Variants in RAD51B observed in about 807,000 individuals in gnomAD.
RAD51B encodes the protein DNA repair protein RAD51 homolog 2.
In RAD51B, 38 loss-of-function variants were observed where a neutral mutation model predicts 42.2. The ratio of observed to expected loss-of-function variants is 0.90; its 90% CI spans 0.70 to 1.18. The LOEUF (loss-of-function observed/expected upper bound fraction) is 1.18. Ranked by LOEUF, RAD51B falls within the 50% of genes most tolerant of loss-of-function variation. The pLI is 0.00. For synonymous variants in RAD51B, 154 were observed against 145.2 expected, an observed-to-expected ratio of 1.06 and a Z score of -0.43; for missense variants, 373 against 400.7, an observed-to-expected ratio of 0.93 and a Z score of 0.59.
intron 7 of RAD51B, among the ~76,000 whole-genome samples, chr14:68,016,710 C>T (rs1348711927): frequency 1.3e-5 from 2 of 152,078 alleles, no homozygotes; most frequent in Non-Finnish European, 2.9e-5. Flanking sequence ...AATTTCACTC[C>T]TAGAATCTGT....
chr14:68,582,009 A>T (rs1019197800), intron 10 of RAD51B, among the ~76,000 whole-genome samples: 2 of 152,258 alleles, frequency 1.3e-5, no homozygotes, highest in Non-Finnish European at 2.9e-5. Context: ...AAATTAACTC[A>T]AGATGGATTA....
intron 8 of RAD51B, among the ~76,000 whole-genome samples, chr14:68,371,312 A>G (rs1290893854): frequency 6.6e-6 from 1 of 151,962 alleles, no homozygotes; most frequent in Non-Finnish European, 1.5e-5. Flanking sequence ...AGGTCAAGAG[A>G]TGGAGACCAT....
At chr14:68,682,276 A>T (rs1893447882) in intron 11 of RAD51B, among the ~76,000 whole-genome samples, 1 of 152,126 alleles carries the variant, frequency 6.6e-6, no homozygotes, top group Non-Finnish European at 1.5e-5. Context: ...CGGTAAACCT[A>T]ACTAGCTAGT....
At chr14:67,870,465 A>G (rs940480016) in intron 5 of RAD51B, among the ~76,000 whole-genome samples, 11 of 141,550 alleles carry the variant, frequency 7.8e-5, no homozygotes, top group African/African-American at 3.0e-4. Flanking sequence ...AAAGAGACTT[A>G]GACTCCCACA....
chr14:68,531,886 G>C (rs1294290065), intron 10 of RAD51B, among the ~76,000 whole-genome samples: 11 of 152,142 alleles, frequency 7.2e-5, no homozygotes. Flanking sequence ...TGGAGGCTGA[G>C]GAGGGAGAAT....
chr14:67,861,441 C>G (rs896254951), intron 4 of RAD51B, among the ~76,000 whole-genome samples: 2 of 151,628 alleles, frequency 1.3e-5, no homozygotes, highest in Non-Finnish European at 2.9e-5. Context: ...GAGTTCAAGA[C>G]CAGCCTGGGC....
At chr14:68,007,193 A>T (rs984584409) in intron 7 of RAD51B, among the ~76,000 whole-genome samples, 1 of 152,052 alleles carries the variant, frequency 6.6e-6, no homozygotes, top group Non-Finnish European at 1.5e-5. Flanking sequence ...ATATTACAAC[A>T]TGTATTTATG....
Position 68,490,204 on chromosome 14 carries a change from G to T in RAD51B, c.1036+21954G>T, listed in dbSNP as rs1412963846. On this transcript the variant is annotated intron_variant, in intron 10 of 10. Coordinates refer to the RAD51B transcript ENST00000487270. ...GTAATATAAATGGGATAACAGAAAT[G>T]ATTTTATTATTTATGTGATTTTAAT... 5.3e-5 allele frequency among the ~76,000 whole-genome samples: 8 copies of T among 152,220 alleles called. No individual in the cohort carries two copies. The East Asian group carries it at 1.5e-3, about 29-fold the overall frequency.
intron 11 of RAD51B, among the ~76,000 whole-genome samples, chr14:68,665,767 C>T (rs958169137): frequency 6.6e-6 from 1 of 152,202 alleles, no homozygotes. Flanking sequence ...CTTACTCCAT[C>T]AGCACCCGTC....
chr14:68,484,353 C>A (rs954836414), intron 10 of RAD51B, among the ~76,000 whole-genome samples: 47 of 115,138 alleles, frequency 4.1e-4, no homozygotes, highest in Admixed American at 1.6e-3. Context: ...TATTTTCTTT[C>A]TTTTTCTTTT....
At chr14:68,486,437 G>C (rs753495984) in intron 10 of RAD51B, among the ~76,000 whole-genome samples, 1 of 152,042 alleles carries the variant, frequency 6.6e-6, no homozygotes, top group African/African-American at 2.4e-5. Context: ...CAGCACCATC[G>C]TCCAAACCCC....
chr14:68,473,944 T>C (rs1241034793), intron 10 of RAD51B, among the ~76,000 whole-genome samples: 2 of 152,248 alleles, frequency 1.3e-5, no homozygotes, highest in Admixed American at 1.3e-4. Flanking sequence ...TGATTTATTG[T>C]ACACGATTTC....
intron 9 of RAD51B, among the ~76,000 whole-genome samples, chr14:68,431,598 T>C (rs1184084439): frequency 6.6e-6 from 1 of 152,306 alleles, no homozygotes; most frequent in South Asian, 2.1e-4. Flanking sequence ...AGTGGTGATA[T>C]CCCCTTTATC....
chr14:67,960,264 A>G (rs2074637198), intron 7 of RAD51B, among the ~76,000 whole-genome samples: 1 of 152,244 alleles, frequency 6.6e-6, no homozygotes, highest in Non-Finnish European at 1.5e-5. Context: ...GTCATGTAAT[A>G]GTAGGAGCTG....
intron 9 of RAD51B, among the ~76,000 whole-genome samples, chr14:68,413,969 C>T (rs1260662705): frequency 1.3e-5 from 2 of 151,940 alleles, no homozygotes; most frequent in African/African-American, 4.8e-5. Flanking sequence ...GAGGCCACTA[C>T]ACCCAGGGAT....
intron 10 of RAD51B, among the ~76,000 whole-genome samples, chr14:68,545,267 C>G (rs1888162093): frequency 6.6e-6 from 1 of 152,242 alleles, no homozygotes; most frequent in South Asian, 2.1e-4. Context: ...GAGGCTGTTC[C>G]TTGAGCAAAG....
At chr14:68,133,080 G>C (rs914219694) in intron 7 of RAD51B, among the ~76,000 whole-genome samples, 2 of 152,162 alleles carry the variant, frequency 1.3e-5, no homozygotes, top group Non-Finnish European at 2.9e-5. Flanking sequence ...AATGTGGGGG[G>C]CAGGCAATAT....
intron 10 of RAD51B, among the ~76,000 whole-genome samples, chr14:68,504,079 G>A (rs1231433113): frequency 6.6e-6 from 1 of 152,086 alleles, no homozygotes; most frequent in African/African-American, 2.4e-5. Context: ...GTAGATGCAC[G>A]TTAATAGTAC....
intron 10 of RAD51B, among the ~76,000 whole-genome samples, chr14:68,557,438 T>A (rs1190676849): frequency 6.6e-6 from 1 of 152,174 alleles, no homozygotes; most frequent in Non-Finnish European, 1.5e-5. Flanking sequence ...TTTCACACCA[T>A]CATAAAGTCA....
Sources: allele counts gnomAD v4.1 joint callset (sites outside exome capture counted in the v4.1 genomes callset), GRCh38; gene constraint gnomAD v4.1.1; transcripts MANE v1.5; gene names NCBI Gene and HGNC (gene_info 2026-07-23, HGNC 2026-07-21).